CCNG1: variants seen among roughly 807,000 people sequenced by gnomAD.
CCNG1 encodes cyclin G1.
CCNG1 carries 13 observed loss-of-function variants against 30.0 expected under a neutral mutation model. The ratio of observed to expected loss-of-function variants is 0.43; its 90% CI spans 0.28 to 0.69. The LOEUF (loss-of-function observed/expected upper bound fraction) is 0.69, where lower values mean the gene tolerates loss of function less well. CCNG1 is among the 30% of genes least tolerant of loss of function. The pLI is 0.16. For synonymous variants in CCNG1, 110 were observed against 121.5 expected (o/e 0.91, Z 0.62); for missense variants, 285 against 331.4 (o/e 0.86, Z 1.09).
chr5:163,457,224 C>CG, the CCNG1 span: 12 of 832,376 alleles, frequency 1.4e-5, no homozygotes, highest in Admixed American at 9.8e-5. Context: ...CTCCGCCCCC[C>CG]GGGTTCAAGT....
rs969732104 is a variant in CCNG1, at chr5:163,442,360, T to G, written c.697-14T>G. On this transcript the variant is annotated splice_polypyrimidine_tract_variant and intron_variant, in intron 5 of 6. Coordinates refer to ENST00000340828, the MANE Select transcript of CCNG1 (RefSeq NM_004060.4). ...ACTTGGAGTAATAATTTTTTAAAAT[T>G]TATGTATGTACAGATAAATGGCAGA... The G allele has an allele frequency of 1.1e-5, 17 of 1,570,550 alleles. No individual in the cohort carries two copies. The highest frequency in any genetic ancestry group is 1.4e-5 in the African/African-American group (1 of 72,814).
In CCNG1 at chr5:163,444,656, TGAA is replaced by T. The variant is rs571921717; in HGVS notation, c.*988_*990del. 36 of 152,752 alleles carry T rather than the reference TGAA, an allele frequency of 2.4e-4. No homozygotes were observed. In the East Asian group the frequency reaches 6.0e-3, roughly 25 times the overall value. The allele number at this position is 152,752 out of a possible 1,614,324, so 9.5% of individuals were successfully genotyped here. Reference sequence around the variant, plus strand: ...CCTTCATAACTATGAATGAAGCTGCTGAAGTAGTGTTTAGGATCCTCCATGGCA... The same window carrying T: ...CCTTCATAACTATGAATGAAGCTGCTGTAGTGTTTAGGATCCTCCATGGCA... On this transcript the variant is annotated 3_prime_UTR_variant, in exon 7 of 7. Transcript: ENST00000340828.
downstream of CCNG1, chr5:163,449,370 C>T (rs1758120140): frequency 6.6e-6 from 1 of 152,144 alleles, no homozygotes; most frequent in Non-Finnish European, 1.5e-5. Context: ...ATTGGAAACC[C>T]ATGTTTCAAA....
downstream of CCNG1, chr5:163,450,614 A>G (rs954669862): frequency 4.6e-5 from 7 of 152,244 alleles, no homozygotes; most frequent in African/African-American, 1.7e-4. Context: ...AACTAGATAG[A>G]GATCCCATTT....
chr5:163,448,709 AAC>A (rs1291254143), downstream of CCNG1: 3 of 152,208 alleles, frequency 2.0e-5, no homozygotes, highest in South Asian at 2.1e-4. Context: ...ATCCAAAATG[AAC>A]ACAGACATAA....
rs1275269150 is a variant in CCNG1 at position 163,439,340 on chromosome 5, G to C, written c.84G>C (p.Gln28His). ...NALLEQESRC[Q>H]PKVCGLRLIE... Reference sequence around the variant, plus strand: ...TGTTGGAACAGGAGTCTAGATGTCAGCCAAAGGTCTGTGGTTTGAGACTAA... The same window carrying C: ...TGTTGGAACAGGAGTCTAGATGTCACCCAAAGGTCTGTGGTTTGAGACTAA... The change falls in exon 2 of 7, where the codon CAG (glutamine) becomes CAC (histidine). Residue 28 changes from glutamine to histidine, a missense_variant. By Grantham distance (24) the Gln-to-His change is conservative. Transcript: ENST00000340828. 1.2e-6 allele frequency: 2 copies of C among 1,614,146 alleles called. No individual in the cohort carries two copies. The highest frequency in any genetic ancestry group is 8.5e-7 in the Non-Finnish European group (1 of 1,180,004).
downstream of CCNG1, among the ~76,000 whole-genome samples, chr5:163,445,602 T>C (rs1758020694): frequency 6.9e-6 from 1 of 144,662 alleles, no homozygotes; most frequent in South Asian, 2.2e-4. Context: ...TATAGGCACA[T>C]GCCACCGCAC....
At chr5:163,445,559 T>A (rs1005569067), downstream of CCNG1, among the ~76,000 whole-genome samples, 3 of 151,090 alleles carry the variant, frequency 2.0e-5, no homozygotes, top group African/African-American at 4.9e-5. Flanking sequence ...GCTCAAGAGA[T>A]CCTCCCACCT....
chr5:163,445,388 T>G (rs1266200425), downstream of CCNG1, among the ~76,000 whole-genome samples: 1 of 152,164 alleles, frequency 6.6e-6, no homozygotes, highest in Non-Finnish European at 1.5e-5. Flanking sequence ...AATTTAGTAC[T>G]AAAGTTAGAT....
At chr5:163,442,590 T>C (rs373723183) in intron 6 of CCNG1, 22 bp downstream of exon 6, 3 of 1,548,764 alleles carry the variant, frequency 1.9e-6, no homozygotes, top group Non-Finnish European at 2.6e-6. Flanking sequence ...CCGTTATTAT[T>C]CTCCAGATAG....
chr5:163,454,045 A>G, the CCNG1 span: 2 of 1,539,866 alleles, frequency 1.3e-6, no homozygotes, highest in Admixed American at 3.6e-5. Flanking sequence ...AGTCAAAACC[A>G]GGATTCTAAA....
At chr5:163,450,225 C>G (rs1758143809), downstream of CCNG1, 1 of 152,220 alleles carries the variant, frequency 6.6e-6, no homozygotes, top group African/African-American at 2.4e-5. Context: ...TGTGCCACTG[C>G]ACCCCAGCCT....
In CCNG1 at chr5:163,441,062, GTT is replaced by G. The variant is rs772010486; in HGVS notation, c.265-12_265-11del. ...GTAGAGTCATGGGCTTACTGGTTTT[GTT>G]TTTGATTTTTTAGGTACAGCCCAAG... On this transcript the variant is annotated splice_polypyrimidine_tract_variant and intron_variant, in intron 2 of 6. Transcript: ENST00000340828. 1.9e-4 allele frequency: 304 copies of G among 1,602,892 alleles called. No homozygotes were observed. The highest frequency in any genetic ancestry group is 2.5e-4 in the Non-Finnish European group (292 of 1,175,772).
intron 6 of CCNG1, among the ~76,000 whole-genome samples, chr5:163,442,787 A>AGC (rs1351971572): frequency 6.6e-6 from 1 of 152,184 alleles, no homozygotes; most frequent in Non-Finnish European, 1.5e-5. Flanking sequence ...TCTGATACAT[A>AGC]CGTTAGCCAT....
chr5:163,440,789 TTTAC>T (rs879627799), intron 2 of CCNG1, among the ~76,000 whole-genome samples: 30 of 152,158 alleles, frequency 2.0e-4, no homozygotes, highest in Non-Finnish European at 3.8e-4. Context: ...TAGAACAATG[TTTAC>T]TTATAGTTCT....
Position 163,442,081 on chromosome 5 carries a change from A to G in CCNG1, c.634A>G (p.Ile212Val). 6.2e-7 allele frequency: 1 copy of G among 1,612,942 alleles called. No homozygotes were observed. The highest frequency in any genetic ancestry group is 1.1e-5 in the South Asian group (1 of 90,964). Residue 212 changes from isoleucine to valine, a missense_variant, in exon 5 of 7, where the codon ATC becomes GTC. Ile to Val is a conservative substitution (Grantham distance 29). Coordinates refer to ENST00000340828, the MANE Select transcript of CCNG1 (RefSeq NM_004060.4). Reference protein sequence around the residue: ...VLALSIIALEIQAQKCVELTE... With the variant: ...VLALSIIALEVQAQKCVELTE... Reference sequence around the variant, plus strand: ...GGCATTGTCTATCATTGCATTAGAGATCCAAGCACAGAAGTGTGTAGAGTT... The same window carrying G: ...GGCATTGTCTATCATTGCATTAGAGGTCCAAGCACAGAAGTGTGTAGAGTT...
the CCNG1 span, among the ~76,000 whole-genome samples, chr5:163,456,504 C>G: frequency 6.6e-6 from 1 of 151,718 alleles, no homozygotes; most frequent in Non-Finnish European, 1.5e-5. Context: ...AAGAACAATA[C>G]ACACAGTGTG....
chr5:163,448,164 AG>A (rs1163566092), downstream of CCNG1: 1 of 151,328 alleles, frequency 6.6e-6, no homozygotes, highest in African/African-American at 2.4e-5. Flanking sequence ...TACAAAAAAA[AG>A]AAGCCCAAAC....
intron 2 of CCNG1, 88 bp from the exon 3 acceptor site, chr5:163,440,990 G>A (rs971291906): frequency 4.1e-5 from 55 of 1,352,946 alleles, no homozygotes; most frequent in Non-Finnish European, 5.3e-5. Context: ...TTTTCAAAAT[G>A]TTGGGTCGGA....
Sources: gnomAD v4.1 joint callset for allele counts (sites outside exome capture counted in the v4.1 genomes callset) on GRCh38, gnomAD v4.1.1 for gene constraint, MANE v1.5 for transcripts, NCBI Gene and HGNC (gene_info 2026-07-23, HGNC 2026-07-21) for gene names.